C2CD2: variants seen among roughly 807,000 people sequenced by gnomAD.
C2CD2 encodes the protein C2 domain-containing protein 2.
A neutral mutation model predicts 74.3 loss-of-function variants in C2CD2; 43 were observed. The observed-to-expected ratio is 0.58, with a 90% CI of 0.45 to 0.75. The LOEUF is 0.75. C2CD2 is among the 30% of genes least tolerant of loss of function. The pLI is 0.00. For synonymous variants in C2CD2, 422 were observed against 390.7 expected, an observed-to-expected ratio of 1.08 and a Z score of -0.94; for missense variants, 801 against 916.3, an observed-to-expected ratio of 0.87 and a Z score of 1.63.
chr21:41,891,361 A>C, intron 13 of C2CD2, among the ~76,000 whole-genome samples: 1 of 152,250 alleles, frequency 6.6e-6, no homozygotes, highest in Non-Finnish European at 1.5e-5. Flanking sequence ...ACCAGCCATC[A>C]GCAGGGTGTG....
At chr21:41,918,774 C>T in intron 4 of C2CD2, 82 bp downstream of exon 4, 1 of 1,048,608 alleles carries the variant, frequency 9.5e-7, no homozygotes, top group Non-Finnish European at 1.5e-6. Flanking sequence ...ACCAGCCATG[C>T]ACTCAGTTCC....
At chr21:41,933,977 G>A (rs1402938821) in intron 2 of C2CD2, among the ~76,000 whole-genome samples, 1 of 152,066 alleles carries the variant, frequency 6.6e-6, no homozygotes, top group Non-Finnish European at 1.5e-5. Flanking sequence ...CCTCCGGCAG[G>A]AAAAAGCTTC....
chr21:41,940,141 A>T (rs1280522148), intron 2 of C2CD2, among the ~76,000 whole-genome samples: 1 of 151,970 alleles, frequency 6.6e-6, no homozygotes, highest in Non-Finnish European at 1.5e-5. Context: ...TACCCGAAAC[A>T]CTCCTGGCCC....
chr21:41,942,956 C>G (rs2065367666), intron 1 of C2CD2: 1 of 984,886 alleles, frequency 1.0e-6, no homozygotes. Flanking sequence ...CCCCAGCATC[C>G]TTCCAGGAAA....
intron 2 of C2CD2, among the ~76,000 whole-genome samples, chr21:41,941,187 T>C (rs2065351428): frequency 6.6e-6 from 1 of 151,848 alleles, no homozygotes; most frequent in Admixed American, 6.6e-5. Context: ...AGACCCCATC[T>C]CTGCAAAAAA....
At position 41,895,679 on chromosome 21, in the gene C2CD2, G is replaced by A. The variant is rs375909483; in HGVS notation, c.1870+3374C>T. Among the ~76,000 whole-genome samples, 1 of 152,172 alleles carries A rather than the reference G, an allele frequency of 6.6e-6. No individual in the cohort carries two copies. The highest frequency in any genetic ancestry group is 1.5e-5 in the Non-Finnish European group (1 of 68,030). ...AGAAGGCTGAAGTATAAACAAATAC[G>A]TGAAAGAATTTAAACATAATTAATC... On this transcript the variant is annotated intron_variant, in intron 13 of 13. Coordinates refer to ENST00000380486, the MANE Select transcript of C2CD2 (RefSeq NM_015500.2). The surrounding 1 kb of genome is among the most constrained non-coding windows in gnomAD (Gnocchi z 5.0).
intron 5 of C2CD2, among the ~76,000 whole-genome samples, chr21:41,915,180 C>T (rs2065074945): frequency 6.6e-6 from 1 of 152,214 alleles, no homozygotes; most frequent in South Asian, 2.1e-4. Flanking sequence ...AGCCCACACC[C>T]ATTTCCCACC....
chr21:41,918,747 G>A lies in C2CD2; in HGVS notation c.597+109C>T, dbSNP rs1017800169. ...GCCCCAGGAGGAGTGGCTGGGACAGGGAAGGAGGCCAGCAACACCAGCCAT... is the reference window on the plus strand; with the variant it reads ...GCCCCAGGAGGAGTGGCTGGGACAGAGAAGGAGGCCAGCAACACCAGCCAT... On this transcript the variant is annotated intron_variant, in intron 4 of 13. Coordinates refer to ENST00000380486, the MANE Select transcript of C2CD2 (RefSeq NM_015500.2). 1.2e-5 allele frequency: 10 copies of A among 834,970 alleles called. No homozygotes were observed. The African/African-American group carries it at 1.5e-4, about 13-fold the overall frequency. The allele number at this position is 834,970 out of a possible 1,614,324, so 51.7% of individuals were successfully genotyped here.
intron 13 of C2CD2, among the ~76,000 whole-genome samples, chr21:41,898,018 G>A (rs1023557648): frequency 3.3e-5 from 5 of 152,184 alleles, no homozygotes; most frequent in Admixed American, 6.5e-5. Context: ...AAAAGTGCTG[G>A]GCTTGAGAAT....
chr21:41,889,271 C>T lies in C2CD2; in HGVS notation c.1944G>A (p.Gln648=). ...CCAGGAACACAAGGTCATTGTGTGA[C>T]TGACTCATGCCTGGGTCTTTCTGTT... The part of the protein sequence containing the change: ...RHQQKDPGMS[Q]SHNDLVFLEQ... Residue 648 remains glutamine (Q), a synonymous_variant, in exon 14 of 14, where the codon CAG becomes CAA. Coordinates refer to ENST00000380486, the MANE Select transcript of C2CD2 (RefSeq NM_015500.2). 1 of 1,614,090 alleles carries T rather than the reference C, an allele frequency of 6.2e-7. No individual in the cohort carries two copies. The highest frequency in any genetic ancestry group is 8.5e-7 in the Non-Finnish European group (1 of 1,179,998).
Position 41,918,069 on chromosome 21 carries a change from G to A in C2CD2, c.720+36C>T, listed in dbSNP as rs200109577. 103 of 1,613,006 alleles carry A rather than the reference G, an allele frequency of 6.4e-5. No homozygotes were observed. The East Asian group carries it at 2.3e-3, about 35-fold the overall frequency. On this transcript the variant is annotated intron_variant, in intron 5 of 13. Transcript: ENST00000380486. ...AGAGGTGGGCCATGGTGCCTAACGG[G>A]GTTCAGATGCACCCACAGCACCCAG...
chr21:41,925,675 G>C (rs190505656), intron 2 of C2CD2, among the ~76,000 whole-genome samples: 1 of 152,346 alleles, frequency 6.6e-6, no homozygotes, highest in Non-Finnish European at 1.5e-5. Flanking sequence ...GTATTAAGGT[G>C]TTATCCACAA....
intron 2 of C2CD2, among the ~76,000 whole-genome samples, chr21:41,933,506 C>T (rs2065280935): frequency 6.6e-6 from 1 of 152,224 alleles, no homozygotes; most frequent in African/African-American, 2.4e-5. Flanking sequence ...AGCAGTGTCT[C>T]ACCCTGGACA....
Position 41,905,736 on chromosome 21 carries a change from AAG to A in C2CD2, c.1418_1419del (p.Ser473PhefsTer17), listed in dbSNP as rs1157127487. ...GTGTCTCAGTTACCTGTGTCTGAAG[AAG>A]AGAGTGTTTTGCTGACGGGGGCGCT... ...CRSAPVSKTL[S>X]SSDTELLVLN... On this transcript the variant is annotated frameshift_variant, in exon 11 of 14. Coordinates refer to ENST00000380486, the MANE Select transcript of C2CD2 (RefSeq NM_015500.2). LOFTEE classifies it high-confidence loss of function. 5.0e-6 allele frequency: 8 copies of A among 1,594,654 alleles called. No individual in the cohort carries two copies. Among genetic ancestry groups the A allele is most frequent in the African/African-American group, 2.7e-5 (2 of 74,568 alleles).
At chr21:41,921,936 C>T (rs750910119) in intron 3 of C2CD2, 36 bp downstream of exon 3, 3 of 1,274,870 alleles carry the variant, frequency 2.4e-6, no homozygotes, top group Non-Finnish European at 3.4e-6. Flanking sequence ...AGAACTGTGA[C>T]GGGTCTCATA....
At chr21:41,898,803 C>A (rs1466206715) in intron 13 of C2CD2, among the ~76,000 whole-genome samples, 1 of 152,164 alleles carries the variant, frequency 6.6e-6, no homozygotes, top group Non-Finnish European at 1.5e-5. Flanking sequence ...GAGGAAGGGG[C>A]CTCTATGCAT....
intron 1 of C2CD2, among the ~76,000 whole-genome samples, chr21:41,952,767 G>T (rs938596518): frequency 6.6e-6 from 1 of 152,184 alleles, no homozygotes; most frequent in African/African-American, 2.4e-5. Context: ...TGCCCTCTCC[G>T]GGCCTTGGTT....
chr21:41,887,422 C>T lies in C2CD2; in HGVS notation c.*1702G>A, dbSNP rs1270284521. 6.6e-6 allele frequency: 1 copy of T among 151,680 alleles called. No individual in the cohort carries two copies. Among genetic ancestry groups the T allele is most frequent in the South Asian group, 2.1e-4 (1 of 4,810 alleles). The allele number at this position is 151,680 out of a possible 1,614,324, so 9.4% of individuals were successfully genotyped here. A position where few individuals can be genotyped will look rare whatever the true frequency, so the allele number is the denominator to read the frequency against. ...CATTTTAAAGTGAAATTCCTAATGT[C>T]GTTTTCTAATCTCTCTCTCTAAAAA... On this transcript the variant is annotated 3_prime_UTR_variant, in exon 14 of 14. Coordinates refer to ENST00000380486, the MANE Select transcript of C2CD2 (RefSeq NM_015500.2).
intron 1 of C2CD2, among the ~76,000 whole-genome samples, chr21:41,949,804 A>T (rs1178469255): frequency 6.6e-6 from 1 of 152,234 alleles, no homozygotes; most frequent in African/African-American, 2.4e-5. Context: ...AATACTATGC[A>T]GCCATAAAAA....
Sources: gnomAD v4.1 joint callset for allele counts (sites outside exome capture counted in the v4.1 genomes callset) on GRCh38, gnomAD v4.1.1 for gene constraint, Gnocchi (gnomAD v3.1) non-coding constraint, MANE v1.5 for transcripts, NCBI Gene and HGNC (gene_info 2026-07-23, HGNC 2026-07-21) for gene names.